SNX18: variants seen among roughly 807,000 people sequenced by gnomAD.
The protein encoded by SNX18 is sorting nexin 18.
In SNX18, 35 loss-of-function variants were observed where a neutral mutation model predicts 48.7. The ratio of observed to expected loss-of-function variants is 0.72; its 90% CI spans 0.55 to 0.95. The LOEUF (loss-of-function observed/expected upper bound fraction) is 0.95, where lower values mean the gene tolerates loss of function less well. Ranked by LOEUF, SNX18 falls within the 40% of genes least tolerant of loss-of-function variation. The probability of loss-of-function intolerance (pLI) is 0.00; values close to 1 mark genes in which losing one functional copy is unlikely to be tolerated. For missense variants in SNX18, 824 were observed against 871.0 expected (o/e 0.95, Z 0.68); for synonymous variants, 492 against 384.7 (o/e 1.28, Z -3.26).
the SNX18 span, among the ~76,000 whole-genome samples, chr5:54,567,912 G>A: frequency 6.6e-6 from 1 of 152,198 alleles, no homozygotes; most frequent in African/African-American, 2.4e-5. Flanking sequence ...GGAATGTTCT[G>A]TAGGACTGAG....
At chr5:54,639,949 C>A in the SNX18 span, among the ~76,000 whole-genome samples, 2 of 152,096 alleles carry the variant, frequency 1.3e-5, no homozygotes, top group Admixed American at 1.3e-4. Flanking sequence ...ATCATCAGTT[C>A]CTGAGGCCAA....
chr5:54,632,995 G>A, the SNX18 span, among the ~76,000 whole-genome samples: 10 of 152,050 alleles, frequency 6.6e-5, no homozygotes, highest in Non-Finnish European at 8.8e-5. Flanking sequence ...GGATGGTCTC[G>A]ATCTCTTGAC....
the SNX18 span, among the ~76,000 whole-genome samples, chr5:54,563,930 A>T: frequency 2.0e-5 from 3 of 152,102 alleles, no homozygotes; most frequent in South Asian, 6.2e-4. Flanking sequence ...TTGAAGTCAG[A>T]TAAAGGTTTA....
chr5:54,560,339 T>A, the SNX18 span, among the ~76,000 whole-genome samples: 1 of 152,178 alleles, frequency 6.6e-6, no homozygotes, highest in Non-Finnish European at 1.5e-5. Context: ...TGGATGGAGC[T>A]GGAGGCCATT....
chr5:54,537,866 A>G (rs2564997), intron 1 of SNX18, among the ~76,000 whole-genome samples: 149,432 of 152,340 alleles, frequency 0.98, 73,293 homozygotes, highest in East Asian at 1. Flanking sequence ...CAGTACAGCC[A>G]TGAGAATGCT....
downstream of SNX18, among the ~76,000 whole-genome samples, chr5:54,547,387 G>C (rs192548012): frequency 6.6e-6 from 1 of 152,344 alleles, no homozygotes; most frequent in African/African-American, 2.4e-5. Flanking sequence ...AAATGATGGA[G>C]CTGAGATTCA....
chr5:54,518,534 C>A lies in SNX18; in HGVS notation c.582C>A (p.Arg194=). The part of the protein sequence containing the change: ...SAGVGAAGRY[R]LSTRSDLSLG... ...GTGTGGGCGCAGCCGGCCGCTACCG[C>A]CTGTCCACGCGCTCCGACCTGTCCC... Residue 194 remains arginine (R), a synonymous_variant, in exon 1 of 2, where the codon CGC becomes CGA. Transcript: ENST00000381410. The A allele has an allele frequency of 4.4e-6, 7 of 1,577,200 alleles. No homozygotes were observed. Among genetic ancestry groups the A allele is most frequent in the Non-Finnish European group, 6.0e-6 (7 of 1,162,902 alleles).
In SNX18 at chr5:54,519,538, T is replaced by A. The variant is rs756342513; in HGVS notation, c.1586T>A (p.Leu529Gln). ...MDLLALYQGHLANFPDIIHVQ... is the reference protein window; with the variant it reads ...MDLLALYQGHQANFPDIIHVQ... ...CTATTAGCGCTGTATCAGGGGCATC[T>A]GGCTAACTTCCCGGACATCATCCAC... Residue 529 changes from leucine (L) to glutamine (Q), a missense_variant, in exon 1 of 2, where the codon CTG becomes CAG. By Grantham distance (113) the Leu-to-Gln change is moderately radical. Around this residue, in one of 3 missense-constraint regions of SNX18, gnomAD observed 443 missense variants for 503.6 expected, o/e 0.88. Transcript: ENST00000381410. 6.2e-7 allele frequency: 1 copy of A among 1,614,200 alleles called. No homozygotes were observed. The highest frequency in any genetic ancestry group is 8.5e-7 in the Non-Finnish European group (1 of 1,180,010).
chr5:54,590,922 A>G, the SNX18 span, among the ~76,000 whole-genome samples: 2 of 152,152 alleles, frequency 1.3e-5, no homozygotes, highest in East Asian at 3.9e-4. Context: ...TTCATTTGAT[A>G]TGAATTCTCC....
Position 54,519,292 on chromosome 5 carries a change from A to C in SNX18, c.1340A>C (p.His447Pro). Reference protein sequence around the residue: ...KMDDSALQLNHTANEFARKQV... With the variant: ...KMDDSALQLNPTANEFARKQV... Reference sequence around the variant, plus strand: ...GACGACAGCGCGCTGCAGCTCAACCACACGGCCAACGAGTTCGCGCGCAAG... The same window carrying C: ...GACGACAGCGCGCTGCAGCTCAACCCCACGGCCAACGAGTTCGCGCGCAAG... The change falls in exon 1 of 2, where the codon CAC (histidine) becomes CCC (proline). Residue 447 changes from histidine to proline, a missense_variant. Coordinates refer to ENST00000381410, the MANE Select transcript of SNX18 (RefSeq NM_001102575.2). 1 of 1,614,058 alleles carries C rather than the reference A, an allele frequency of 6.2e-7. No individual in the cohort carries two copies. The highest frequency in any genetic ancestry group is 1.1e-5 in the South Asian group (1 of 91,070).
the SNX18 span, among the ~76,000 whole-genome samples, chr5:54,556,396 C>T: frequency 6.6e-6 from 1 of 152,180 alleles, no homozygotes; most frequent in Admixed American, 6.5e-5. Context: ...TTCCTTGGCT[C>T]ATGGCTCCCC....
intron 1 of SNX18, among the ~76,000 whole-genome samples, chr5:54,537,182 A>G (rs965538189): frequency 7.9e-5 from 12 of 151,798 alleles, no homozygotes; most frequent in Non-Finnish European, 1.6e-4. Context: ...AAATTAAATA[A>G]AGAGAGAGAG....
At chr5:54,626,239 G>A in the SNX18 span, among the ~76,000 whole-genome samples, 1 of 152,184 alleles carries the variant, frequency 6.6e-6, no homozygotes, top group Non-Finnish European at 1.5e-5. Context: ...TGGTGTGATT[G>A]GAGTGATGAT....
the SNX18 span, among the ~76,000 whole-genome samples, chr5:54,632,763 C>G: frequency 6.6e-6 from 1 of 151,922 alleles, no homozygotes; most frequent in Non-Finnish European, 1.5e-5. Context: ...AAACCCAGGG[C>G]AGTAATTTTT....
At chr5:54,638,832 G>A in the SNX18 span, among the ~76,000 whole-genome samples, 1 of 152,110 alleles carries the variant, frequency 6.6e-6, no homozygotes, top group Admixed American at 6.5e-5. Context: ...AGCTGGATCT[G>A]AGCCCTGGCC....
At chr5:54,609,270 C>T in the SNX18 span, among the ~76,000 whole-genome samples, 2 of 151,932 alleles carry the variant, frequency 1.3e-5, no homozygotes, top group African/African-American at 4.8e-5. Context: ...ACTTTAAAAC[C>T]ACACATGGAT....
At chr5:54,592,659 T>C in the SNX18 span, among the ~76,000 whole-genome samples, 11 of 152,312 alleles carry the variant, frequency 7.2e-5, no homozygotes, top group African/African-American at 1.4e-4. Context: ...ATGAATAACA[T>C]AGGGAGACTG....
the SNX18 span, among the ~76,000 whole-genome samples, chr5:54,581,712 A>C: frequency 1.5e-4 from 23 of 152,372 alleles, no homozygotes; most frequent in African/African-American, 5.5e-4. Context: ...GAAACTGATT[A>C]GTTCTGGGGT....
At chr5:54,548,770 C>T (rs936893890), downstream of SNX18, among the ~76,000 whole-genome samples, 6 of 152,118 alleles carry the variant, frequency 3.9e-5, no homozygotes, top group African/African-American at 1.2e-4. Flanking sequence ...AGTCACTTAA[C>T]GTGAGTCAGT....
Sources: gnomAD v4.1 joint callset for allele counts (sites outside exome capture counted in the v4.1 genomes callset) on GRCh38, gnomAD v4.1.1 for gene constraint, gnomAD v4.1.1 regional missense constraint, MANE v1.5 for transcripts, NCBI Gene and HGNC (gene_info 2026-07-23, HGNC 2026-07-21) for gene names.